The following LAMA2 variants were observed in gnomAD, a reference collection of about 807,000 sequenced individuals.
LAMA2 encodes laminin subunit alpha 2, also known as laminin subunit alpha-2.
LAMA2 carries 269 observed loss-of-function variants against 364.8 expected under a neutral mutation model. That is an observed-to-expected ratio of 0.74 (90% CI 0.67 to 0.82). The LOEUF is 0.82. Among genes scored for constraint, LAMA2 ranks in the 40% least tolerant of loss-of-function variants. The pLI is 0.00. For synonymous variants in LAMA2, 1,379 were observed against 1,370.6 expected (o/e 1.01, Z -0.14); for missense variants, 3,807 against 3,873.2 (o/e 0.98, Z 0.45).
At chr6:128,890,356 C>CT (rs1469243686) in intron 1 of LAMA2, among the ~76,000 whole-genome samples, 1 of 152,028 alleles carries the variant, frequency 6.6e-6, no homozygotes, top group African/African-American at 2.4e-5. Flanking sequence ...CGGTCCTGCT[C>CT]TTGACTTTGT....
At chr6:129,398,476 T>TC (rs914916956) in intron 37 of LAMA2, among the ~76,000 whole-genome samples, 7 of 144,942 alleles carry the variant, frequency 4.8e-5, no homozygotes, top group East Asian at 3.9e-4. Context: ...TCTTTTCTTT[T>TC]TTTTTTTTTT....
rs866195926 is a variant in LAMA2 at position 128,972,411 on chromosome 6, T to G, written c.113-77507T>G. Among the ~76,000 whole-genome samples the G allele has an allele frequency of 9.8e-5, 15 of 152,356 alleles. No individual in the cohort carries two copies. In the Middle Eastern group the frequency reaches 0.01, roughly 104 times the overall value. On this transcript the variant is annotated intron_variant, in intron 1 of 64. Coordinates refer to ENST00000421865, the MANE Select transcript of LAMA2 (RefSeq NM_000426.4). ...CCCATCAGTTATATGTGGATTATAA[T>G]GTCTGCCTCATGCTTGTTGTGAACA... is the stretch of plus-strand genomic sequence containing the variant.
chr6:129,328,100 T>G (rs780498064), intron 28 of LAMA2, among the ~76,000 whole-genome samples, 178 bp from the exon 29 acceptor site: 4 of 152,222 alleles, frequency 2.6e-5, no homozygotes, highest in Non-Finnish European at 4.4e-5. Flanking sequence ...CCGAACACCT[T>G]GGAGACCAGG....
At chr6:129,085,668 T>TCTC (rs1214331108) in intron 3 of LAMA2, among the ~76,000 whole-genome samples, 40 of 152,266 alleles carry the variant, frequency 2.6e-4, no homozygotes, top group African/African-American at 8.9e-4. Flanking sequence ...ACGGAGGAGT[T>TCTC]CTCTAAGGAC....
chr6:128,961,944 G>T lies in LAMA2; in HGVS notation c.112+78587G>T, dbSNP rs118081893. Among the ~76,000 whole-genome samples the T allele has an allele frequency of 4.6e-4, 70 of 151,130 alleles. 3 individuals carry two copies. The East Asian group carries it at 0.014, about 29-fold the overall frequency. ...TTACTCTAGCCTTGTAAATTATTTG[G>T]TACTTAAAATTTCAGAGACATTCTG... On this transcript the variant is annotated intron_variant, in intron 1 of 64. Coordinates refer to ENST00000421865, the MANE Select transcript of LAMA2 (RefSeq NM_000426.4).
intron 22 of LAMA2, among the ~76,000 whole-genome samples, chr6:129,311,458 G>A (rs1583467237): frequency 6.6e-6 from 1 of 152,140 alleles, no homozygotes; most frequent in Non-Finnish European, 1.5e-5. Context: ...AGTGTGGTGG[G>A]CCGCCATTAT....
chr6:129,226,952 G>A (rs1014637908), intron 12 of LAMA2, among the ~76,000 whole-genome samples: 7 of 152,062 alleles, frequency 4.6e-5, no homozygotes, highest in Non-Finnish European at 1.0e-4. Flanking sequence ...CATTCTCCCC[G>A]CCACTTTCAT....
At chr6:129,320,839 G>A (rs976374997) in intron 28 of LAMA2, among the ~76,000 whole-genome samples, 184 bp downstream of exon 28, 4 of 152,166 alleles carry the variant, frequency 2.6e-5, no homozygotes, top group African/African-American at 9.7e-5. Context: ...CATACCTGAA[G>A]GGAAATAGTT....
chr6:128,933,731 CAT>C (rs1175417466), intron 1 of LAMA2, among the ~76,000 whole-genome samples: 2 of 152,058 alleles, frequency 1.3e-5, no homozygotes, highest in Non-Finnish European at 2.9e-5. Context: ...TTTTTGGAAA[CAT>C]GTCTATTTTT....
chr6:129,008,721 C>A (rs1054405116), intron 1 of LAMA2, among the ~76,000 whole-genome samples: 2 of 152,086 alleles, frequency 1.3e-5, no homozygotes, highest in African/African-American at 4.8e-5. Flanking sequence ...TGTTTCTCTA[C>A]CTCTTTAAAT....
chr6:129,320,356 G>A (rs1212893673), intron 27 of LAMA2, among the ~76,000 whole-genome samples, 182 bp from the exon 28 acceptor site: 1 of 152,056 alleles, frequency 6.6e-6, no homozygotes, highest in Non-Finnish European at 1.5e-5. Context: ...TGCAGTTCAA[G>A]CCCATATTGT....
At chr6:128,901,699 T>C (rs546224715) in intron 1 of LAMA2, among the ~76,000 whole-genome samples, 5 of 152,248 alleles carry the variant, frequency 3.3e-5, no homozygotes, top group Admixed American at 2.0e-4. Context: ...ATTAAGTTTG[T>C]GGAATCTCTC....
intron 1 of LAMA2, among the ~76,000 whole-genome samples, chr6:128,995,081 A>G (rs1783845378): frequency 6.6e-6 from 1 of 152,172 alleles, no homozygotes; most frequent in African/African-American, 2.4e-5. Flanking sequence ...CTATAGATGA[A>G]TCTCTGCGTT....
In LAMA2 at chr6:129,366,201, G is replaced by C. The variant is rs1422911277; in HGVS notation, c.4718-18G>C. 6.2e-7 allele frequency: 1 copy of C among 1,612,364 alleles called. No homozygotes were observed. Among genetic ancestry groups the C allele is most frequent in the Non-Finnish European group, 8.5e-7 (1 of 1,179,754 alleles). On this transcript the variant is annotated intron_variant, in intron 32 of 64. Transcript: ENST00000421865. ...TGTTTAGCAGAAGTAACTACTCTTT[G>C]TCACTTCTCTTTCACAGTTTGTGGA...
chr6:128,991,660 T>C (rs1051305111), intron 1 of LAMA2, among the ~76,000 whole-genome samples: 1 of 152,228 alleles, frequency 6.6e-6, no homozygotes, highest in African/African-American at 2.4e-5. Flanking sequence ...GGAACCTTTT[T>C]AGGTGAAACT....
intron 7 of LAMA2, 115 bp from the exon 8 acceptor site, chr6:129,154,390 G>T: frequency 1.1e-6 from 1 of 913,936 alleles, no homozygotes. Flanking sequence ...CTCCAGCCTG[G>T]GCGACAGAGT....
At chr6:129,402,934 T>G (rs756901611) in intron 39 of LAMA2, among the ~76,000 whole-genome samples, 2 of 152,232 alleles carry the variant, frequency 1.3e-5, no homozygotes, top group Admixed American at 1.3e-4. Flanking sequence ...GTCTTTTTTA[T>G]TTTTCCTCTT....
chr6:129,190,182 C>CT, intron 10 of LAMA2, 23 bp from the exon 11 acceptor site: 1 of 1,611,786 alleles, frequency 6.2e-7, no homozygotes, highest in East Asian at 2.2e-5. Flanking sequence ...ACCTCTGTTG[C>CT]TGATACATCT....
At chr6:129,127,081 A>T (rs1291858385) in intron 4 of LAMA2, among the ~76,000 whole-genome samples, 2 of 152,222 alleles carry the variant, frequency 1.3e-5, no homozygotes, top group Non-Finnish European at 2.9e-5. Flanking sequence ...GAAAAAAAGA[A>T]AAATCTGATA....
Sources: gnomAD v4.1 joint callset for allele counts (sites outside exome capture counted in the v4.1 genomes callset) on GRCh38, gnomAD v4.1.1 for gene constraint, MANE v1.5 for transcripts, NCBI Gene and HGNC (gene_info 2026-07-23, HGNC 2026-07-21) for gene names.